Variants in KIFAP3 observed in about 807,000 individuals in gnomAD.
KIFAP3 encodes the protein kinesin associated protein 3.
KIFAP3 carries 68 observed loss-of-function variants against 106.5 expected under a neutral mutation model. The observed-to-expected ratio is 0.64, with a 90% CI of 0.53 to 0.78. The LOEUF (loss-of-function observed/expected upper bound fraction) is 0.78, where lower values mean the gene tolerates loss of function less well. Ranked by LOEUF, KIFAP3 falls within the 30% of genes least tolerant of loss-of-function variation. KIFAP3 has a pLI of 0.00. For missense variants in KIFAP3, 780 were observed against 941.8 expected (o/e 0.83, Z 2.25); for synonymous variants, 320 against 311.5 (o/e 1.03, Z -0.29).
chr1:170,044,090 C>A (rs917737875), intron 3 of KIFAP3, among the ~76,000 whole-genome samples: 3 of 152,088 alleles, frequency 2.0e-5, no homozygotes, highest in Non-Finnish European at 1.5e-5. Context: ...GTAAAATGGT[C>A]TGGGAGTGAA....
chr1:169,970,322 T>C (rs1052637080), intron 17 of KIFAP3, among the ~76,000 whole-genome samples: 18 of 152,064 alleles, frequency 1.2e-4, no homozygotes, highest in African/African-American at 4.3e-4. Context: ...ACAAGTGATG[T>C]AATCCTCCTT....
chr1:170,032,028 A>C (rs1476440452), intron 7 of KIFAP3, 44 bp from the exon 8 acceptor site: 2 of 1,068,998 alleles, frequency 1.9e-6, no homozygotes, highest in Non-Finnish European at 2.9e-6. Context: ...TGAAGCAAAA[A>C]AAATCTACTG....
chr1:169,982,931 G>T (rs577535849), intron 13 of KIFAP3, 64 bp from the exon 14 acceptor site: 2 of 891,160 alleles, frequency 2.2e-6, no homozygotes, highest in Non-Finnish European at 3.1e-6. Flanking sequence ...TAACCCACAG[G>T]AATCTAACAA....
intron 19 of KIFAP3, among the ~76,000 whole-genome samples, chr1:169,925,786 C>T (rs970973848): frequency 1.3e-5 from 2 of 152,246 alleles, no homozygotes; most frequent in East Asian, 1.9e-4. Context: ...AAACCACCTA[C>T]CTCTGGCTGT....
intron 19 of KIFAP3, among the ~76,000 whole-genome samples, chr1:169,936,061 C>T (rs550874729): frequency 1.3e-4 from 19 of 151,960 alleles, no homozygotes; most frequent in South Asian, 4.1e-4. Flanking sequence ...CAAATGACCA[C>T]TTTTTAAAAA....
At chr1:170,061,509 A>C (rs1671153770) in intron 1 of KIFAP3, among the ~76,000 whole-genome samples, 1 of 152,166 alleles carries the variant, frequency 6.6e-6, no homozygotes, top group Non-Finnish European at 1.5e-5. Flanking sequence ...AAAGTCAGGA[A>C]ACAACAGGTG....
chr1:169,992,846 C>A (rs958497552), intron 10 of KIFAP3, among the ~76,000 whole-genome samples: 1 of 151,970 alleles, frequency 6.6e-6, no homozygotes, highest in South Asian at 2.1e-4. Flanking sequence ...AAAGTGAATA[C>A]ATATCAAGAT....
At chr1:170,043,891 T>A (rs1049658344) in intron 3 of KIFAP3, among the ~76,000 whole-genome samples, 1 of 152,144 alleles carries the variant, frequency 6.6e-6, no homozygotes. Context: ...CCAAATCAGT[T>A]TTCTGTACTT....
At chr1:169,979,145 T>C (rs1319089635) in intron 15 of KIFAP3, among the ~76,000 whole-genome samples, 1 of 152,134 alleles carries the variant, frequency 6.6e-6, no homozygotes, top group Non-Finnish European at 1.5e-5. Flanking sequence ...ATGAATATCT[T>C]AGCTCTCTTG....
intron 10 of KIFAP3, among the ~76,000 whole-genome samples, chr1:170,012,674 G>A (rs12118305): frequency 0.063 from 9,581 of 152,154 alleles, 384 homozygotes; most frequent in Non-Finnish European, 0.095. Flanking sequence ...CATGAAAGCA[G>A]AGCCATCATG....
At chr1:169,928,829 C>A (rs1458640065) in intron 19 of KIFAP3, among the ~76,000 whole-genome samples, 1 of 151,666 alleles carries the variant, frequency 6.6e-6, no homozygotes, top group Non-Finnish European at 1.5e-5. Context: ...CAAATTTTGC[C>A]CCCTTAGTAT....
intron 19 of KIFAP3, among the ~76,000 whole-genome samples, chr1:169,930,563 C>A (rs1208067964): frequency 2.6e-5 from 4 of 152,354 alleles, no homozygotes; most frequent in Non-Finnish European, 4.4e-5. Flanking sequence ...GGGTGACTAT[C>A]TTCCCCTACC....
intron 16 of KIFAP3, among the ~76,000 whole-genome samples, chr1:169,977,566 T>C (rs1666289013): frequency 6.6e-6 from 1 of 152,156 alleles, no homozygotes; most frequent in Non-Finnish European, 1.5e-5. Context: ...GTAATTAAAA[T>C]TAGGGCTATT....
At chr1:170,049,229 C>G (rs1236562921) in intron 2 of KIFAP3, among the ~76,000 whole-genome samples, 1 of 152,176 alleles carries the variant, frequency 6.6e-6, no homozygotes, top group African/African-American at 2.4e-5. Context: ...GGGTAGAATT[C>G]ACCACAGTGT....
At chr1:170,010,121 T>G (rs1476620323) in intron 10 of KIFAP3, among the ~76,000 whole-genome samples, 1 of 151,962 alleles carries the variant, frequency 6.6e-6, no homozygotes, top group Admixed American at 6.6e-5. Context: ...TAAGCAGAAA[T>G]AAATTTAGTA....
intron 1 of KIFAP3, among the ~76,000 whole-genome samples, chr1:170,066,634 C>T (rs375906556): frequency 6.6e-6 from 1 of 152,216 alleles, no homozygotes; most frequent in East Asian, 1.9e-4. Context: ...AAAGAGAGGG[C>T]TGAGAGGTTG....
intron 17 of KIFAP3, among the ~76,000 whole-genome samples, chr1:169,965,758 C>A (rs1406090067): frequency 1.3e-5 from 2 of 151,940 alleles, no homozygotes; most frequent in East Asian, 3.8e-4. Flanking sequence ...CATCATTATT[C>A]TTATTAATAA....
At chr1:170,057,675 T>A (rs12076018) in intron 1 of KIFAP3, among the ~76,000 whole-genome samples, 1 of 151,822 alleles carries the variant, frequency 6.6e-6, no homozygotes, top group South Asian at 2.1e-4. Context: ...TGCTGAACTT[T>A]CAAGCTGAGT....
intron 15 of KIFAP3, 34 bp from the exon 16 acceptor site, chr1:169,978,217 C>A (rs755998800): frequency 3.7e-6 from 5 of 1,355,148 alleles, no homozygotes; most frequent in Admixed American, 3.4e-5. Context: ...ATAAAGAATA[C>A]TATGTTTATA....
Sources: allele counts gnomAD v4.1 joint callset (sites outside exome capture counted in the v4.1 genomes callset), GRCh38; gene constraint gnomAD v4.1.1; transcripts MANE v1.5; gene names NCBI Gene and HGNC (gene_info 2026-07-23, HGNC 2026-07-21).